AQP8: variants seen among roughly 807,000 people sequenced by gnomAD.
The protein encoded by AQP8 is aquaporin 8.
AQP8 carries 14 observed loss-of-function variants against 26.1 expected under a neutral mutation model. The observed-to-expected ratio is 0.54, with a 90% CI of 0.35 to 0.84. AQP8 has a LOEUF of 0.84. Ranked by LOEUF, AQP8 falls within the 40% of genes least tolerant of loss-of-function variation. The pLI is 0.01. For missense variants in AQP8, 301 were observed against 340.5 expected (o/e 0.88, Z 0.91); for synonymous variants, 131 against 150.7 (o/e 0.87, Z 0.96).
At chr16:25,219,911 C>T (rs1413011549) in intron 2 of AQP8, among the ~76,000 whole-genome samples, 2 of 151,994 alleles carry the variant, frequency 1.3e-5, no homozygotes, top group Non-Finnish European at 1.5e-5. Context: ...GTGGCAGCCC[C>T]GTTATCCCAT....
intron 5 of AQP8, 72 bp downstream of exon 5, chr16:25,227,274 T>C: frequency 6.3e-7 from 1 of 1,588,436 alleles, no homozygotes; most frequent in Non-Finnish European, 8.6e-7. Context: ...AGTCCGGGAC[T>C]AGAGGGCTAG....
chr16:25,220,231 T>C (rs183369244), intron 2 of AQP8, among the ~76,000 whole-genome samples: 1 of 152,196 alleles, frequency 6.6e-6, no homozygotes, highest in African/African-American at 2.4e-5. Context: ...CTTTGGAGGA[T>C]GGGTAAGCTC....
chr16:25,225,567 C>T (rs958736434), intron 4 of AQP8, among the ~76,000 whole-genome samples: 2 of 151,786 alleles, frequency 1.3e-5, no homozygotes, highest in Admixed American at 1.3e-4. Context: ...CCACCACGCC[C>T]GGCTAATTTT....
In AQP8 at chr16:25,219,537, G is replaced by A. The variant is rs1450015308; in HGVS notation, c.261-1920G>A. 3.3e-5 allele frequency among the ~76,000 whole-genome samples: 5 copies of A among 151,532 alleles called. 2 individuals are homozygous for A. The highest frequency in any genetic ancestry group is 7.4e-5 in the Non-Finnish European group (5 of 67,890). On this transcript the variant is annotated intron_variant, in intron 2 of 5. Transcript: ENST00000219660. ...TGCTAATGAGTGTAAACCAGGAAAT[G>A]TGTGGTTTTCGTCACCTGGCCCTCC...
chr16:25,224,354 C>T lies in AQP8; in HGVS notation c.388-8C>T. 1 of 1,605,942 alleles carries T rather than the reference C, an allele frequency of 6.2e-7. No individual in the cohort carries two copies. Among genetic ancestry groups the T allele is most frequent in the South Asian group, 1.1e-5 (1 of 90,700 alleles). ...CCCACTGTGAGGCTCAGCAGCTTCT[C>T]TGTGCAGGCGGTGAGTCCTGAGGAG... On this transcript the variant is annotated splice_polypyrimidine_tract_variant and splice_region_variant and intron_variant, in intron 3 of 5. Coordinates refer to ENST00000219660, the MANE Select transcript of AQP8 (RefSeq NM_001169.3).
chr16:25,228,719 C>T lies in AQP8; in HGVS notation c.*227C>T. 1 of 531,068 alleles carries T rather than the reference C, an allele frequency of 1.9e-6. No homozygotes were observed. 32.9% of individuals were successfully genotyped at this position (531,068 alleles called of 1,614,324 possible). The stretch of plus-strand genomic sequence containing the variant: ...AGACCCCAGCCTGGGGAACACGCTG[C>T]CCGCACTGCCCAGAGAGCAGTGCAA... On this transcript the variant is annotated 3_prime_UTR_variant, in exon 6 of 6. Transcript: ENST00000219660.
chr16:25,218,512 C>A (rs1962517677), intron 2 of AQP8, among the ~76,000 whole-genome samples: 1 of 152,176 alleles, frequency 6.6e-6, no homozygotes, highest in South Asian at 2.1e-4. Flanking sequence ...TGTATTAAAT[C>A]TCACTCAAAA....
At chr16:25,225,171 T>C (rs1800303062) in intron 4 of AQP8, among the ~76,000 whole-genome samples, 1 of 152,178 alleles carries the variant, frequency 6.6e-6, no homozygotes, top group Non-Finnish European at 1.5e-5. Context: ...GTTGTAGAGA[T>C]AGGGGTCACG....
intron 4 of AQP8, 79 bp downstream of exon 4, chr16:25,224,655 A>T: frequency 6.9e-7 from 1 of 1,439,226 alleles, no homozygotes; most frequent in South Asian, 1.2e-5. Context: ...CCTGAGGGTC[A>T]CAGATTCAGT....
chr16:25,223,947 C>T (rs1962597272), intron 3 of AQP8, among the ~76,000 whole-genome samples: 1 of 151,984 alleles, frequency 6.6e-6, no homozygotes, highest in Admixed American at 6.6e-5. Context: ...GTGCCTCAGC[C>T]TCCTGAGCAG....
At chr16:25,217,497 T>C (rs1374418397) in intron 2 of AQP8, 52 bp downstream of exon 2, 2 of 1,596,240 alleles carry the variant, frequency 1.3e-6, no homozygotes, top group East Asian at 4.5e-5. Context: ...GCACTGGGTG[T>C]GGAAAGCAAA....
chr16:25,220,740 G>A (rs1230809186), intron 2 of AQP8, among the ~76,000 whole-genome samples: 1 of 152,156 alleles, frequency 6.6e-6, no homozygotes, highest in Non-Finnish European at 1.5e-5. Context: ...GTCTTATTCA[G>A]GGCCTAGCTA....
intron 4 of AQP8, 104 bp from the exon 5 acceptor site, chr16:25,226,964 G>C: frequency 6.5e-7 from 1 of 1,541,980 alleles, no homozygotes; most frequent in Non-Finnish European, 8.9e-7. Flanking sequence ...AGTTTAGAGA[G>C]GGTTTCTGGG....
At chr16:25,220,475 G>A (rs1052087730) in intron 2 of AQP8, among the ~76,000 whole-genome samples, 1 of 152,132 alleles carries the variant, frequency 6.6e-6, no homozygotes, top group Non-Finnish European at 1.5e-5. Flanking sequence ...TGAACACGAA[G>A]GCTCTTTACC....
Position 25,221,537 on chromosome 16 carries a change from G to T in AQP8, c.341G>T (p.Trp114Leu). Residue 114 changes from tryptophan (W) to leucine (L), a missense_variant, in exon 3 of 6, where the codon TGG (tryptophan) becomes TTG (leucine). By Grantham distance (61) the Trp-to-Leu change is moderately conservative. Transcript: ENST00000219660. Reference sequence around the variant, plus strand: ...AACCTGGTGATGCTCCTCCCGTACTGGGTCTCACAGCTGCTCGGGGGGATG... The same window carrying T: ...AACCTGGTGATGCTCCTCCCGTACTTGGTCTCACAGCTGCTCGGGGGGATG... ...GLNLVMLLPY[W>L]VSQLLGGMLG... 6.2e-7 allele frequency: 1 copy of T among 1,614,146 alleles called. No homozygotes were observed. Among genetic ancestry groups the T allele is most frequent in the East Asian group, 2.2e-5 (1 of 44,860 alleles).
At chr16:25,221,005 C>G (rs1434793393) in intron 2 of AQP8, among the ~76,000 whole-genome samples, 2 of 150,852 alleles carry the variant, frequency 1.3e-5, no homozygotes, top group Non-Finnish European at 3.0e-5. Context: ...GAGCCGAGAT[C>G]ACACCATTGC....
intron 2 of AQP8, among the ~76,000 whole-genome samples, chr16:25,218,441 G>C (rs1962516463): frequency 6.6e-6 from 1 of 152,190 alleles, no homozygotes; most frequent in Non-Finnish European, 1.5e-5. Flanking sequence ...AGGAGAGCCA[G>C]CCATCACGAC....
At chr16:25,217,876 AG>A (rs1962509776) in intron 2 of AQP8, among the ~76,000 whole-genome samples, 1 of 152,064 alleles carries the variant, frequency 6.6e-6, no homozygotes, top group Non-Finnish European at 1.5e-5. Context: ...AAATGGGAAT[AG>A]TAGCTTTTAA....
At chr16:25,218,380 G>A (rs557947421) in intron 2 of AQP8, among the ~76,000 whole-genome samples, 106 of 152,274 alleles carry the variant, frequency 7.0e-4, no homozygotes, top group African/African-American at 2.3e-3. Flanking sequence ...CTTAGCTCTC[G>A]TCTGGGTAGA....
Sources: allele counts gnomAD v4.1 joint callset (sites outside exome capture counted in the v4.1 genomes callset), GRCh38; gene constraint gnomAD v4.1.1; transcripts MANE v1.5; gene names NCBI Gene and HGNC (gene_info 2026-07-23, HGNC 2026-07-21).